CLSTN2: variants seen among roughly 807,000 people sequenced by gnomAD.
The protein encoded by CLSTN2 is calsyntenin 2, also known as calsyntenin-2.
In CLSTN2, 48 loss-of-function variants were observed where a neutral mutation model predicts 101.2. The observed-to-expected ratio is 0.47, with a 90% CI of 0.38 to 0.60. CLSTN2 has a LOEUF of 0.60. Ranked by LOEUF, CLSTN2 falls within the 20% of genes least tolerant of loss-of-function variation. The pLI, the probability that CLSTN2 is intolerant of heterozygous loss-of-function variation, is 0.00. For synonymous variants in CLSTN2, 481 were observed against 463.6 expected, an observed-to-expected ratio of 1.04 and a Z score of -0.48; for missense variants, 1,160 against 1,238.2, an observed-to-expected ratio of 0.94 and a Z score of 0.95.
At chr3:140,239,777 C>T (rs1461591954) in intron 2 of CLSTN2, among the ~76,000 whole-genome samples, 4 of 151,738 alleles carry the variant, frequency 2.6e-5, no homozygotes, top group African/African-American at 4.8e-5. Flanking sequence ...TATAGCCAGG[C>T]CAGAGATTGT....
intron 8 of CLSTN2, among the ~76,000 whole-genome samples, chr3:140,476,593 C>A (rs994378081): frequency 1.3e-5 from 2 of 151,688 alleles, no homozygotes; most frequent in Non-Finnish European, 2.9e-5. Context: ...TAGAACCAGG[C>A]ATGGATGTCC....
At chr3:140,183,274 C>T (rs926296210) in intron 2 of CLSTN2, among the ~76,000 whole-genome samples, 1 of 152,048 alleles carries the variant, frequency 6.6e-6, no homozygotes, top group African/African-American at 2.4e-5. Context: ...AAGGGGACAC[C>T]CAGGGAGACA....
intron 9 of CLSTN2, among the ~76,000 whole-genome samples, chr3:140,533,710 CAA>C (rs71627883): frequency 3.1e-4 from 18 of 58,890 alleles, no homozygotes; most frequent in South Asian, 1.0e-3. Flanking sequence ...GACTCCATCT[CAA>C]AAAAAAAAAA....
chr3:140,420,853 G>A (rs898882314), intron 4 of CLSTN2, among the ~76,000 whole-genome samples: 29 of 152,078 alleles, frequency 1.9e-4, no homozygotes, highest in Non-Finnish European at 5.9e-5. Flanking sequence ...ATAAACACAA[G>A]CCAGCTGGAT....
At chr3:140,379,920 T>G (rs980266733) in intron 2 of CLSTN2, among the ~76,000 whole-genome samples, 8 of 152,106 alleles carry the variant, frequency 5.3e-5, no homozygotes, top group Non-Finnish European at 1.0e-4. Flanking sequence ...ACCAATTGCC[T>G]CCAAAAAATA....
At chr3:140,282,264 G>A (rs766442669) in intron 2 of CLSTN2, among the ~76,000 whole-genome samples, 19 of 152,168 alleles carry the variant, frequency 1.2e-4, no homozygotes, top group Non-Finnish European at 2.4e-4. Flanking sequence ...GGCACAATTT[G>A]ATGGGGGAAG....
At chr3:139,955,111 G>GATATATATATATATAT (rs1560052944) in intron 1 of CLSTN2, among the ~76,000 whole-genome samples, 10 of 13,480 alleles carry the variant, frequency 7.4e-4, no homozygotes, top group South Asian at 8.3e-3. Flanking sequence ...TGGCAATATT[G>GATATATATATATATAT]CTATATATAT....
At chr3:140,129,697 T>C (rs1560103950) in intron 1 of CLSTN2, among the ~76,000 whole-genome samples, 3 of 152,304 alleles carry the variant, frequency 2.0e-5, no homozygotes, top group Middle Eastern at 3.4e-3. Context: ...AATGCATGTA[T>C]TGGGGACTGG....
intron 1 of CLSTN2, among the ~76,000 whole-genome samples, chr3:140,032,369 C>CTGCAGGGGCAGGGGCAGCATTCAT (rs2007571928): frequency 1.4e-5 from 2 of 139,216 alleles, no homozygotes; most frequent in African/African-American, 2.7e-5. Context: ...GAGTCTCACT[C>CTGCAGGGGCAGGGGCAGCATTCAT]TTGTTGCCTA....
At chr3:140,313,101 G>A (rs892488141) in intron 2 of CLSTN2, among the ~76,000 whole-genome samples, 1 of 152,152 alleles carries the variant, frequency 6.6e-6, no homozygotes, top group African/African-American at 2.4e-5. Context: ...GGGATATAAA[G>A]ATGGCTGAAT....
intron 2 of CLSTN2, among the ~76,000 whole-genome samples, chr3:140,300,343 C>T (rs1025267466): frequency 3.3e-5 from 5 of 152,200 alleles, no homozygotes; most frequent in East Asian, 3.9e-4. Flanking sequence ...CCTACAGTGT[C>T]TGTTCTCCTA....
intron 1 of CLSTN2, among the ~76,000 whole-genome samples, chr3:140,056,197 G>A (rs978306920): frequency 2.6e-5 from 4 of 152,192 alleles, no homozygotes; most frequent in South Asian, 2.1e-4. Context: ...GGGAGCTCTC[G>A]TGGATGGCTG....
intron 2 of CLSTN2, among the ~76,000 whole-genome samples, chr3:140,228,333 T>C (rs2086341235): frequency 6.6e-6 from 1 of 151,970 alleles, no homozygotes; most frequent in Admixed American, 6.6e-5. Context: ...ATAACAAGAG[T>C]CACCTTTGCT....
intron 1 of CLSTN2, among the ~76,000 whole-genome samples, chr3:140,054,580 C>T (rs546642933): frequency 3.9e-5 from 6 of 152,322 alleles, no homozygotes; most frequent in African/African-American, 1.2e-4. Flanking sequence ...TATACACTCT[C>T]CTGCTTCCCA....
intron 1 of CLSTN2, among the ~76,000 whole-genome samples, chr3:140,003,274 A>C (rs564506266): frequency 4.1e-4 from 62 of 152,214 alleles, no homozygotes; most frequent in African/African-American, 1.5e-3. Context: ...TTTACTTCTT[A>C]AGTTAATTCC....
At chr3:140,120,404 C>T (rs1334477099) in intron 1 of CLSTN2, among the ~76,000 whole-genome samples, 1 of 152,204 alleles carries the variant, frequency 6.6e-6, no homozygotes, top group Non-Finnish European at 1.5e-5. Context: ...CTGGGCATAG[C>T]ACTTTCTAGG....
At chr3:140,485,823 G>T (rs1357320356) in intron 8 of CLSTN2, among the ~76,000 whole-genome samples, 1 of 152,084 alleles carries the variant, frequency 6.6e-6, no homozygotes, top group South Asian at 2.1e-4. Flanking sequence ...TAGTATTAGG[G>T]TGTGAGTGAC....
rs1244991500 is a variant in CLSTN2 at position 140,572,064 on chromosome 3, T to TG, written c.*5813dup. The stretch of plus-strand genomic sequence containing the variant: ...TGTTTCCCTGACCATGAGGAGCTCT[T>TG]GGCCTGTGAGCTGTTGGGATGTCCC... On this transcript the variant is annotated 3_prime_UTR_variant, in exon 17 of 17. Transcript: ENST00000458420. The TG allele has an allele frequency of 6.6e-6, 1 of 152,368 alleles. No homozygotes were observed. Among genetic ancestry groups the TG allele is most frequent in the African/African-American group, 2.4e-5 (1 of 41,446 alleles). 9.4% of individuals were successfully genotyped at this position (152,368 alleles called of 1,614,324 possible).
chr3:140,189,097 A>T (rs980548726), intron 2 of CLSTN2, among the ~76,000 whole-genome samples: 6 of 152,188 alleles, frequency 3.9e-5, no homozygotes, highest in African/African-American at 1.4e-4. Context: ...TGTTGCCTAT[A>T]TGAATAGTCT....
Sources: allele counts gnomAD v4.1 joint callset (sites outside exome capture counted in the v4.1 genomes callset), GRCh38; gene constraint gnomAD v4.1.1; transcripts MANE v1.5; gene names NCBI Gene and HGNC (gene_info 2026-07-23, HGNC 2026-07-21).